The following CTDSPL variants were observed in gnomAD, a reference collection of about 807,000 sequenced individuals.
CTDSPL encodes the protein CTD small phosphatase-like protein.
CTDSPL carries 8 observed loss-of-function variants against 30.5 expected under a neutral mutation model. The observed-to-expected ratio is 0.26, with a 90% CI of 0.15 to 0.47. The LOEUF is 0.47. CTDSPL is among the 20% of genes least tolerant of loss of function. The probability of loss-of-function intolerance (pLI) is 0.99; values close to 1 mark genes in which losing one functional copy is unlikely to be tolerated. For missense variants in CTDSPL, 248 were observed against 366.1 expected (o/e 0.68, Z 2.63); for synonymous variants, 110 against 137.9 (o/e 0.80, Z 1.42).
chr3:37,944,582 G>C (rs1161609845), intron 1 of CTDSPL: 1 of 150,150 alleles, frequency 6.7e-6, no homozygotes, highest in Non-Finnish European at 1.5e-5. Context: ...GGCCAGTGCT[G>C]ATACTGAGGA....
At chr3:37,909,435 G>T (rs1698555235) in intron 1 of CTDSPL, among the ~76,000 whole-genome samples, 1 of 152,260 alleles carries the variant, frequency 6.6e-6, no homozygotes, top group African/African-American at 2.4e-5. Context: ...AGAGAAATGG[G>T]CTTCAGGGCT....
At chr3:37,895,734 C>T (rs1034480419) in intron 1 of CTDSPL, among the ~76,000 whole-genome samples, 5 of 151,900 alleles carry the variant, frequency 3.3e-5, no homozygotes, top group Non-Finnish European at 7.4e-5. Context: ...GATGGAAAAC[C>T]TAGTCTATGG....
intron 1 of CTDSPL, among the ~76,000 whole-genome samples, chr3:37,915,484 G>A (rs1054672848): frequency 6.6e-6 from 1 of 151,742 alleles, no homozygotes; most frequent in Non-Finnish European, 1.5e-5. Context: ...TTCTGTCCTT[G>A]TGTCTTTCTG....
intron 1 of CTDSPL, among the ~76,000 whole-genome samples, chr3:37,872,864 T>A (rs981404047): frequency 2.0e-5 from 3 of 152,122 alleles, no homozygotes; most frequent in African/African-American, 7.2e-5. Context: ...TGAGCCACCG[T>A]GCCCAGCCCC....
rs116504860 is a variant in CTDSPL, at chr3:37,980,825, G to A, written c.789G>A (p.Glu263=). 1,280 of 1,614,180 alleles carry A rather than the reference G, an allele frequency of 7.9e-4. 9 individuals carry two copies. In the African/African-American group the frequency reaches 0.016, roughly 20 times the overall value. Residue 263 remains glutamate, a synonymous_variant, in exon 8 of 8, where the codon GAG becomes GAA. Transcript: ENST00000273179. ...CCTTCTTTGAGGGCCTGAGCCGGGA[G>A]GACGACGTGTACAGCATGCTGCACA... ...LIPFFEGLSR[E]DDVYSMLHRL...
chr3:37,947,889 G>A (rs1433408985), intron 2 of CTDSPL, among the ~76,000 whole-genome samples: 1 of 152,174 alleles, frequency 6.6e-6, no homozygotes, highest in Admixed American at 6.5e-5. Context: ...TCTTTTGTAT[G>A]TATCAAATAA....
At chr3:37,958,639 C>G (rs1699201993) in intron 3 of CTDSPL, among the ~76,000 whole-genome samples, 1 of 152,016 alleles carries the variant, frequency 6.6e-6, no homozygotes, top group African/African-American at 2.4e-5. Context: ...TAGATTCAGC[C>G]ATGTATAGAA....
In CTDSPL at chr3:37,939,189, A is replaced by G. The variant is rs1053256865; in HGVS notation, c.80-7868A>G. Among the ~76,000 whole-genome samples, 86 of 150,314 alleles carry G rather than the reference A, an allele frequency of 5.7e-4. 2 individuals are homozygous for G. The highest frequency in any genetic ancestry group is 2.0e-3 in the African/African-American group (82 of 41,266). ...TGAGACCCTGCACTGTACCTAAACC[A>G]GTCACAATTTTTTGTTATGTTTGAA... On this transcript the variant is annotated intron_variant, in intron 1 of 7. Transcript: ENST00000273179.
rs183124127 is a variant in CTDSPL at position 37,927,789 on chromosome 3, A to C, written c.80-19268A>C. ...GTACATTGTTGTACAGCAAATCTCT[A>C]GAATTTTTTTATTTCATTGACTGAA... On this transcript the variant is annotated intron_variant, in intron 1 of 7. Coordinates refer to ENST00000273179, the MANE Select transcript of CTDSPL (RefSeq NM_001008392.2). 3.5e-3 allele frequency among the ~76,000 whole-genome samples: 532 copies of C among 151,784 alleles called. 3 individuals are homozygous for C. Among genetic ancestry groups the C allele is most frequent in the African/African-American group, 0.012 (481 of 41,352 alleles).
At chr3:37,955,007 G>A (rs1381211596) in intron 2 of CTDSPL, 1 of 152,208 alleles carries the variant, frequency 6.6e-6, no homozygotes, top group Non-Finnish European at 1.5e-5. Flanking sequence ...CAGCTGCATT[G>A]TTGTGATCTT....
At chr3:37,923,047 G>GTA (rs1698736044) in intron 1 of CTDSPL, among the ~76,000 whole-genome samples, 1 of 152,228 alleles carries the variant, frequency 6.6e-6, no homozygotes, top group African/African-American at 2.4e-5. Context: ...GAGCTACCGA[G>GTA]GGGCTGTAAG....
At chr3:37,869,245 CCAT>C (rs1698046175) in intron 1 of CTDSPL, among the ~76,000 whole-genome samples, 1 of 152,040 alleles carries the variant, frequency 6.6e-6, no homozygotes, top group Non-Finnish European at 1.5e-5. Flanking sequence ...ATTAGCATAT[CCAT>C]CATCTCAAAC....
At chr3:37,864,565 T>C (rs1697987163) in intron 1 of CTDSPL, among the ~76,000 whole-genome samples, 1 of 152,166 alleles carries the variant, frequency 6.6e-6, no homozygotes, top group Non-Finnish European at 1.5e-5. Context: ...AGTTCTTCAC[T>C]TTAAAAAATG....
intron 1 of CTDSPL, among the ~76,000 whole-genome samples, chr3:37,888,239 A>G (rs991970512): frequency 6.6e-6 from 1 of 152,238 alleles, no homozygotes; most frequent in African/African-American, 2.4e-5. Flanking sequence ...TATATTTGTC[A>G]TATTACCAAT....
chr3:37,895,835 C>T (rs1387628044), intron 1 of CTDSPL, among the ~76,000 whole-genome samples: 1 of 152,016 alleles, frequency 6.6e-6, no homozygotes, highest in Admixed American at 6.6e-5. Context: ...AGTGAATGTA[C>T]ACTTAAGATT....
intron 1 of CTDSPL, among the ~76,000 whole-genome samples, chr3:37,932,812 A>G (rs923841950): frequency 6.6e-6 from 1 of 152,182 alleles, no homozygotes; most frequent in Non-Finnish European, 1.5e-5. Context: ...CAGCCATTAC[A>G]TGTCTAGAAA....
At chr3:37,920,155 G>A (rs1157987632) in intron 1 of CTDSPL, among the ~76,000 whole-genome samples, 2 of 152,140 alleles carry the variant, frequency 1.3e-5, no homozygotes, top group Non-Finnish European at 2.9e-5. Flanking sequence ...CTCTGAAATT[G>A]TTCAGAGGAA....
intron 1 of CTDSPL, among the ~76,000 whole-genome samples, chr3:37,946,074 G>A (rs1699033490): frequency 6.6e-6 from 1 of 152,054 alleles, no homozygotes; most frequent in African/African-American, 2.4e-5. Flanking sequence ...TCCTAAGCAT[G>A]GTCCCTTGCC....
At chr3:37,874,965 CCTAT>C (rs1225335276) in intron 1 of CTDSPL, among the ~76,000 whole-genome samples, 2 of 152,118 alleles carry the variant, frequency 1.3e-5, no homozygotes, top group African/African-American at 2.4e-5. Context: ...ATTTTAATGA[CCTAT>C]CTTTCTCTTA....
Sources: gnomAD v4.1 joint callset for allele counts (sites outside exome capture counted in the v4.1 genomes callset) on GRCh38, gnomAD v4.1.1 for gene constraint, MANE v1.5 for transcripts, NCBI Gene and HGNC (gene_info 2026-07-23, HGNC 2026-07-21) for gene names.